The following LIMA1 variants were observed in gnomAD, a reference collection of about 807,000 sequenced individuals.
The protein encoded by LIMA1 is LIM domain and actin binding 1.
In LIMA1, 52 loss-of-function variants were observed where a neutral mutation model predicts 62.6. The observed-to-expected ratio is 0.83, with a 90% CI of 0.67 to 1.05. The LOEUF is 1.05. Ranked by LOEUF, LIMA1 falls within the 50% of genes least tolerant of loss-of-function variation. The pLI is 0.00. For missense variants in LIMA1, 780 were observed against 902.2 expected (o/e 0.86, Z 1.74); for synonymous variants, 302 against 317.8 (o/e 0.95, Z 0.53).
At position 50,222,515 on chromosome 12, in the gene LIMA1, T is replaced by C. The variant is rs774141111; in HGVS notation, c.166-30A>G. On this transcript the variant is annotated intron_variant, in intron 3 of 10. Coordinates refer to ENST00000341247, the MANE Select transcript of LIMA1 (RefSeq NM_016357.5). ...AAGAACAAGAAGTAGATGCCAGTTA[T>C]AACTTGCCTGCTGAAACATTCAAAC... The C allele has an allele frequency of 2.5e-5, 40 of 1,613,570 alleles. 1 individual carries two copies. In the Admixed American group the frequency reaches 6.2e-4, roughly 25 times the overall value.
chr12:50,201,330 A>G, intron 6 of LIMA1: 2 of 987,940 alleles, frequency 2.0e-6, no homozygotes, highest in Non-Finnish European at 2.4e-6. Context: ...CCGGCCTGGA[A>G]AGAGAGACAG....
chr12:50,204,632 G>GGC lies in LIMA1; in HGVS notation c.782_783dup (p.Leu262AlafsTer7). On this transcript the variant is annotated frameshift_variant, in exon 6 of 11. Coordinates refer to ENST00000341247, the MANE Select transcript of LIMA1 (RefSeq NM_016357.5). LOFTEE classifies it high-confidence loss of function. ...CGATCCTTTATAGAGGTTTCTGAGA[G>GGC]GCGTGGAAGTTCCAGATTTCGTCTA... The GGC allele has an allele frequency of 6.2e-7, 1 of 1,614,220 alleles. No homozygotes were observed. The highest frequency in any genetic ancestry group is 2.2e-5 in the East Asian group (1 of 44,888).
intron 8 of LIMA1, 142 bp from the exon 9 acceptor site, chr12:50,192,703 G>T: frequency 3.2e-6 from 2 of 630,656 alleles, no homozygotes; most frequent in East Asian, 2.8e-5. Context: ...TTCTGTTGAA[G>T]AATATTCGAA....
At chr12:50,181,883 G>A in intron 10 of LIMA1, 21 bp downstream of exon 10, 1 of 1,613,912 alleles carries the variant, frequency 6.2e-7, no homozygotes, top group Non-Finnish European at 8.5e-7. Flanking sequence ...TAGACAGATG[G>A]CTTGTTTTGG....
chr12:50,207,525 T>C lies in LIMA1; in HGVS notation c.631-1457A>G, dbSNP rs572685462. 5.3e-5 allele frequency among the ~76,000 whole-genome samples: 8 copies of C among 152,324 alleles called. No homozygotes were observed. In the South Asian group the frequency reaches 1.7e-3, roughly 32 times the overall value. Reference sequence around the variant, plus strand: ...TAAGAATAAAACACTTAGCACCCTTTTGAATTTAACATTAGTAAATAGTTA... The same window carrying C: ...TAAGAATAAAACACTTAGCACCCTTCTGAATTTAACATTAGTAAATAGTTA... On this transcript the variant is annotated intron_variant, in intron 4 of 10. Coordinates refer to ENST00000341247, the MANE Select transcript of LIMA1 (RefSeq NM_016357.5).
intron 6 of LIMA1, among the ~76,000 whole-genome samples, chr12:50,202,746 T>G (rs912205600): frequency 2.6e-5 from 4 of 152,212 alleles, no homozygotes; most frequent in Admixed American, 1.3e-4. Context: ...TACTTAATAA[T>G]GTGGGGAAGA....
rs758768672 is a variant in LIMA1, at chr12:50,231,720, A to G, written c.120-10T>C. 6 of 1,610,672 alleles carry G rather than the reference A, an allele frequency of 3.7e-6. No individual in the cohort carries two copies. In the South Asian group the frequency reaches 6.6e-5, roughly 18 times the overall value. On this transcript the variant is annotated splice_polypyrimidine_tract_variant and intron_variant, in intron 2 of 10. Transcript: ENST00000341247. ...AGCTGCTTTCTGGTACCTTCAGAGA[A>G]GGGAAGGAAAGAATGTCTCAAATTA... is the stretch of plus-strand genomic sequence containing the variant.
At chr12:50,227,870 T>C (rs75105270) in intron 3 of LIMA1, among the ~76,000 whole-genome samples, 1 of 151,328 alleles carries the variant, frequency 6.6e-6, no homozygotes, top group African/African-American at 2.4e-5. Flanking sequence ...TTTTTTTTTT[T>C]GAGACGGAGT....
intron 1 of LIMA1, among the ~76,000 whole-genome samples, chr12:50,266,741 CTT>C (rs1253424208): frequency 1.3e-5 from 2 of 152,180 alleles, no homozygotes; most frequent in African/African-American, 4.8e-5. Flanking sequence ...ATATTTGAAT[CTT>C]TCTCCACATT....
intron 3 of LIMA1, among the ~76,000 whole-genome samples, chr12:50,229,416 A>C (rs1337927843): frequency 6.6e-6 from 1 of 152,144 alleles, no homozygotes; most frequent in Non-Finnish European, 1.5e-5. Context: ...GCTGGAAACC[A>C]TCATTCTCAG....
intron 1 of LIMA1, among the ~76,000 whole-genome samples, chr12:50,259,130 C>T (rs1476088239): frequency 1.3e-5 from 2 of 152,062 alleles, no homozygotes; most frequent in African/African-American, 4.8e-5. Context: ...TATGCCATAA[C>T]CAGCTTCTCC....
chr12:50,209,023 G>T (rs1941204661), intron 4 of LIMA1, among the ~76,000 whole-genome samples: 1 of 148,150 alleles, frequency 6.7e-6, no homozygotes, highest in Non-Finnish European at 1.5e-5. Context: ...TAGAGACAGG[G>T]TCTCACCACG....
At chr12:50,180,227 G>C (rs1940464669) in intron 10 of LIMA1, among the ~76,000 whole-genome samples, 1 of 151,888 alleles carries the variant, frequency 6.6e-6, no homozygotes, top group Non-Finnish European at 1.5e-5. Context: ...TTGAACCTGG[G>C]AGGTGGAGGT....
chr12:50,278,686 C>G (rs1163075245), intron 1 of LIMA1, among the ~76,000 whole-genome samples: 1 of 151,988 alleles, frequency 6.6e-6, no homozygotes, highest in Non-Finnish European at 1.5e-5. Flanking sequence ...AACCAAAACA[C>G]AAATAAATTA....
chr12:50,225,666 C>T (rs751059579), intron 3 of LIMA1, among the ~76,000 whole-genome samples: 1 of 152,144 alleles, frequency 6.6e-6, no homozygotes, highest in Non-Finnish European at 1.5e-5. Context: ...AGTTCTCTTG[C>T]CTCAGCCTCT....
Position 50,177,672 on chromosome 12 carries a change from G to C in LIMA1, c.1672C>G (p.Pro558Ala). 1 of 1,608,786 alleles carries C rather than the reference G, an allele frequency of 6.2e-7. No individual in the cohort carries two copies. Among genetic ancestry groups the C allele is most frequent in the Non-Finnish European group, 8.5e-7 (1 of 1,177,698 alleles). ...GIKMSKPKWPPEDEISKPEVP... is the reference protein window; with the variant it reads ...GIKMSKPKWPAEDEISKPEVP... ...TCGGGCTTGCTGATTTCGTCTTCAG[G>C]AGGCCATTTGGGCTTTGACATTTTG... is the stretch of plus-strand genomic sequence containing the variant. The change falls in exon 11 of 11, where the codon CCT (proline) becomes GCT (alanine). Residue 558 changes from proline (P) to alanine (A), a missense_variant. Pro to Ala is a conservative substitution (Grantham distance 27, BLOSUM62 -1). Transcript: ENST00000341247.
chr12:50,265,882 C>T (rs1425198396), intron 1 of LIMA1, among the ~76,000 whole-genome samples: 1 of 152,074 alleles, frequency 6.6e-6, no homozygotes, highest in East Asian at 1.9e-4. Context: ...CCACAAACAT[C>T]CTTCCCATCT....
At chr12:50,240,772 G>A (rs1422736300) in intron 2 of LIMA1, among the ~76,000 whole-genome samples, 3 of 152,140 alleles carry the variant, frequency 2.0e-5, no homozygotes, top group South Asian at 4.1e-4. Flanking sequence ...TAGAACTTGC[G>A]TGCCCATGGA....
intron 9 of LIMA1, among the ~76,000 whole-genome samples, chr12:50,190,568 T>TG (rs1312405132): frequency 2.8e-5 from 4 of 143,178 alleles, no homozygotes; most frequent in Non-Finnish European, 6.1e-5. Context: ...TTAGTAGAGA[T>TG]GGGGTTTCTC....
Sources: gnomAD v4.1 joint callset for allele counts (sites outside exome capture counted in the v4.1 genomes callset) on GRCh38, gnomAD v4.1.1 for gene constraint, MANE v1.5 for transcripts, NCBI Gene and HGNC (gene_info 2026-07-23, HGNC 2026-07-21) for gene names.